Variants in PKD1L3 observed in about 807,000 individuals in gnomAD.
The protein encoded by PKD1L3 is polycystin-1-like protein 3.
Under a neutral mutation model 184.1 loss-of-function variants are expected in PKD1L3, and 239 were observed. The ratio of observed to expected loss-of-function variants is 1.30; its 90% confidence interval spans 1.17 to 1.45. The LOEUF (loss-of-function observed/expected upper bound fraction) is 1.45, where lower values mean the gene tolerates loss of function less well. Ranked by LOEUF, PKD1L3 falls within the 40% of genes most tolerant of loss-of-function variation. The pLI is 0.00. For synonymous variants in PKD1L3, 996 were observed against 778.8 expected (o/e 1.28, Z -4.64); for missense variants, 2,660 against 2,067.2 (o/e 1.29, Z -5.56).
At position 71,999,714 on chromosome 16, in the gene PKD1L3, A is replaced by G. The variant is rs1308247681; in HGVS notation, c.265T>C (p.Leu89=). The change falls in exon 1 of 30, where the codon TTG becomes CTG. Residue 89 remains leucine (L), a synonymous_variant. Transcript: ENST00000620267. ...TATTTGTTGTCTTGATGCTTTTTCA[A>G]TGGCATTACATTTTGCCCAATCCAC... is the stretch of plus-strand genomic sequence containing the variant. ...KWWIGQNVMP[L]KKHQDNKYPA... 4.5e-6 allele frequency: 7 copies of G among 1,548,990 alleles called. No homozygotes were observed. Among genetic ancestry groups the G allele is most frequent in the African/African-American group, 2.7e-5 (2 of 72,744 alleles).
chr16:72,000,101 AG>A lies in PKD1L3; in HGVS notation c.-124del. ...TTTATGAATTGGGAACAATTTACCA[AG>A]GATACAAAAGGTTTTGTTTTGAGGA... On this transcript the variant is annotated 5_prime_UTR_variant, in exon 1 of 30. It removes the in-frame stop codon of an upstream open reading frame in the 5' UTR. Coordinates refer to ENST00000620267, the MANE Select transcript of PKD1L3 (RefSeq NM_181536.2). 1.2e-6 allele frequency: 1 copy of A among 836,254 alleles called. No individual in the cohort carries two copies. The highest frequency in any genetic ancestry group is 2.7e-5 in the South Asian group (1 of 36,614). The allele number at this position is 836,254 out of a possible 1,614,324, so 51.8% of individuals were successfully genotyped here. A position where few individuals can be genotyped will look rare whatever the true frequency, so the allele number is the denominator to read the frequency against.
intron 11 of PKD1L3, among the ~76,000 whole-genome samples, chr16:71,973,799 C>T (rs1401645227): frequency 1.3e-5 from 2 of 151,872 alleles, no homozygotes; most frequent in Non-Finnish European, 2.9e-5. Flanking sequence ...GTCAGGAGTT[C>T]GAGACCAGCC....
At position 71,973,473 on chromosome 16, in the gene PKD1L3, C is replaced by G. The variant is rs747066860; in HGVS notation, c.1804G>C (p.Gly602Arg). The change falls in exon 12 of 30, where the codon GGG becomes CGG. Residue 602 changes from glycine to arginine, a missense_variant. By Grantham distance (125) the Gly-to-Arg change is moderately radical. Coordinates refer to ENST00000620267, the MANE Select transcript of PKD1L3 (RefSeq NM_181536.2). Reference sequence around the variant, plus strand: ...GCTGTTATATAGTAGGTGCCAATCCCGTGCTGCAGATGCTCTGGATTCAGC... The same window carrying G: ...GCTGTTATATAGTAGGTGCCAATCCGGTGCTGCAGATGCTCTGGATTCAGC... ...WVLNPEHLQH[G>R]IGTYYITAVL... is the part of the protein sequence containing the mutation. 6.4e-7 allele frequency: 1 copy of G among 1,551,696 alleles called. No homozygotes were observed. Among genetic ancestry groups the G allele is most frequent in the Non-Finnish European group, 8.7e-7 (1 of 1,147,034 alleles).
At position 71,950,237 on chromosome 16, in the gene PKD1L3, G is replaced by C; in HGVS notation, c.3264C>G (p.Gly1088=). 6.4e-7 allele frequency: 1 copy of C among 1,552,040 alleles called. No individual in the cohort carries two copies. Residue 1088 remains glycine, a synonymous_variant, in exon 20 of 30, where the codon GGC becomes GGG. Coordinates refer to ENST00000620267, the MANE Select transcript of PKD1L3 (RefSeq NM_181536.2). The part of the protein sequence containing the change: ...RVLQRLKSHL[G]TLGLTQGHQS... ...GGTGACCCTGGGTGAGACCCAGCGT[G>C]CCTAAGTGAGATTTCAGCCTCTGCA...
chr16:71,950,954 G>C (rs947965303), intron 19 of PKD1L3, among the ~76,000 whole-genome samples: 39 of 151,708 alleles, frequency 2.6e-4, no homozygotes, highest in African/African-American at 9.5e-4. Context: ...CATTGGCCAG[G>C]CTGGTTTTGA....
At chr16:71,983,709 C>T (rs566176880) in intron 6 of PKD1L3, among the ~76,000 whole-genome samples, 38 of 136,266 alleles carry the variant, frequency 2.8e-4, no homozygotes, top group African/African-American at 9.5e-4. Flanking sequence ...CTCAGCCACC[C>T]AGGCTGGAGT....
At chr16:71,959,198 G>T (rs1181180138) in intron 16 of PKD1L3, among the ~76,000 whole-genome samples, 2 of 151,984 alleles carry the variant, frequency 1.3e-5, no homozygotes, top group Non-Finnish European at 2.9e-5. Context: ...GATCACCTGA[G>T]GTCAGGAGTT....
At position 71,969,764 on chromosome 16, in the gene PKD1L3, T is replaced by C. The variant is rs2039640059; in HGVS notation, c.2184+111A>G. The C allele has an allele frequency of 6.6e-6, 6 of 912,114 alleles. No homozygotes were observed. In the East Asian group the frequency reaches 1.3e-4, roughly 20 times the overall value. 56.5% of individuals were successfully genotyped at this position (912,114 alleles called of 1,614,324 possible). On this transcript the variant is annotated intron_variant, in intron 13 of 29. Coordinates refer to ENST00000620267, the MANE Select transcript of PKD1L3 (RefSeq NM_181536.2). ...AAGAAAAGTTTCACTTGAATTTCTA[T>C]GCCTCCCAGTACCAGGCTTCCTGCT...
chr16:71,947,735 T>C, intron 21 of PKD1L3, 144 bp from the exon 22 acceptor site: 1 of 598,692 alleles, frequency 1.7e-6, no homozygotes, highest in East Asian at 2.8e-5. Flanking sequence ...TTCACATTAA[T>C]TTTTGCACAA....
intron 26 of PKD1L3, among the ~76,000 whole-genome samples, chr16:71,934,425 C>A (rs2038103982): frequency 6.6e-6 from 1 of 152,130 alleles, no homozygotes; most frequent in Non-Finnish European, 1.5e-5. Flanking sequence ...GAAGCAAAAC[C>A]AGCCTCCTGC....
At chr16:71,996,690 A>T (rs2040799013) in intron 2 of PKD1L3, among the ~76,000 whole-genome samples, 1 of 152,176 alleles carries the variant, frequency 6.6e-6, no homozygotes, top group Non-Finnish European at 1.5e-5. Flanking sequence ...ATGGCACCAT[A>T]GAGTACGTAA....
At chr16:71,933,357 AC>A in intron 28 of PKD1L3, 62 bp downstream of exon 28, 16 of 1,251,116 alleles carry the variant, frequency 1.3e-5, no homozygotes, top group Admixed American at 2.0e-5. Context: ...TTTCATAAGG[AC>A]CCCCCCAATT....
intron 16 of PKD1L3, among the ~76,000 whole-genome samples, chr16:71,961,007 C>G (rs987538630): frequency 6.6e-6 from 1 of 152,118 alleles, no homozygotes; most frequent in African/African-American, 2.4e-5. Context: ...TATTCCTATA[C>G]ACAAGCAACA....
intron 21 of PKD1L3, among the ~76,000 whole-genome samples, chr16:71,948,262 T>A (rs1361318439): frequency 6.6e-6 from 1 of 152,186 alleles, no homozygotes; most frequent in Non-Finnish European, 1.5e-5. Context: ...TTTATATTTT[T>A]AGTAGAGACA....
Position 71,980,069 on chromosome 16 carries a change from C to T in PKD1L3, c.1209G>A (p.Gln403=). The T allele has an allele frequency of 6.4e-7, 1 of 1,551,844 alleles. No individual in the cohort carries two copies. Among genetic ancestry groups the T allele is most frequent in the Non-Finnish European group, 8.7e-7 (1 of 1,147,020 alleles). ...TCACTGAAGACTCGGGAGACTGGTT[C>T]TGCTCTAGAAATGCTTCCCCGATAT... ...FGNIGEAFLE[Q]NQSPESSVTL... The change falls in exon 8 of 30, where the codon CAG becomes CAA. Residue 403 remains glutamine, a synonymous_variant. Transcript: ENST00000620267.
In PKD1L3 at chr16:71,997,417, C is replaced by G. The variant is rs564052873; in HGVS notation, c.418+855G>C. ...GCCTGGACAACATAACAAGACCCCC[C>G]CCCCCACAACCACTCCCCACTCCAC... On this transcript the variant is annotated intron_variant, in intron 2 of 29. Coordinates refer to ENST00000620267, the MANE Select transcript of PKD1L3 (RefSeq NM_181536.2). 4.9e-3 allele frequency among the ~76,000 whole-genome samples: 747 copies of G among 151,288 alleles called. 2 individuals are homozygous for G. Among genetic ancestry groups the G allele is most frequent in the Admixed American group, 0.011 (163 of 15,170 alleles).
In PKD1L3 at chr16:71,973,774, G is replaced by A. The variant is rs371649964; in HGVS notation, c.1760-257C>T. Among the ~76,000 whole-genome samples, 27 of 152,224 alleles carry A rather than the reference G, an allele frequency of 1.8e-4. 1 individual carries two copies. The highest frequency in any genetic ancestry group is 9.8e-4 in the Admixed American group (15 of 15,270). ...CTCAGCACTTTGGGAAGCTGATGCG[G>A]GCGGATCACTTGAGGTCAGGAGTTC... is the stretch of plus-strand genomic sequence containing the variant. On this transcript the variant is annotated intron_variant, in intron 11 of 29. Transcript: ENST00000620267.
intron 9 of PKD1L3, among the ~76,000 whole-genome samples, chr16:71,979,104 T>C (rs1192704162): frequency 6.6e-6 from 1 of 152,138 alleles, no homozygotes; most frequent in Non-Finnish European, 1.5e-5. Flanking sequence ...TATGACTGGG[T>C]TGGTATACTG....
In PKD1L3 at chr16:71,993,349, A is replaced by G; in HGVS notation, c.419-17T>C. ...AAAAGTCACCTATTTGAAAGCCAAC[A>G]CACAAGTTAATTTATAGGTTATAGC... On this transcript the variant is annotated splice_polypyrimidine_tract_variant and intron_variant, in intron 2 of 29. Transcript: ENST00000620267. 2 of 1,467,402 alleles carry G rather than the reference A, an allele frequency of 1.4e-6. No homozygotes were observed. Among genetic ancestry groups the G allele is most frequent in the Non-Finnish European group, 1.9e-6 (2 of 1,075,954 alleles). The allele number at this position is 1,467,402 out of a possible 1,614,324, so 90.9% of individuals were successfully genotyped here.
Sources: gnomAD v4.1 joint callset for allele counts (sites outside exome capture counted in the v4.1 genomes callset) on GRCh38, gnomAD v4.1.1 for gene constraint, MANE v1.5 for transcripts, NCBI Gene and HGNC (gene_info 2026-07-23, HGNC 2026-07-21) for gene names.